Variants in SCAF11 observed in about 807,000 individuals in gnomAD.
The protein encoded by SCAF11 is protein SCAF11.
Under a neutral mutation model 140.5 loss-of-function variants are expected in SCAF11, and 47 were observed. That is an observed-to-expected ratio of 0.33 (90% confidence interval 0.26 to 0.43). The LOEUF is 0.43. Ranked by LOEUF, SCAF11 falls within the 20% of genes least tolerant of loss-of-function variation. The pLI, the probability that SCAF11 is intolerant of heterozygous loss-of-function variation, is 1.00. For synonymous variants in SCAF11, 557 were observed against 579.4 expected (o/e 0.96, Z 0.55); for missense variants, 1,645 against 1,705.1 (o/e 0.96, Z 0.62).
At chr12:45,934,972 T>C (rs1170848432) in intron 6 of SCAF11, 1 of 152,354 alleles carries the variant, frequency 6.6e-6, no homozygotes, top group Non-Finnish European at 1.5e-5. Flanking sequence ...TAACCATAAA[T>C]TACCATTTAG....
chr12:45,941,451 A>G (rs556580725), intron 6 of SCAF11, among the ~76,000 whole-genome samples: 2 of 152,318 alleles, frequency 1.3e-5, no homozygotes, highest in South Asian at 4.1e-4. Flanking sequence ...TCAAGTGTAC[A>G]ATACACCATT....
At chr12:45,973,454 G>C (rs920926009) in intron 1 of SCAF11, among the ~76,000 whole-genome samples, 2 of 152,054 alleles carry the variant, frequency 1.3e-5, no homozygotes, top group Non-Finnish European at 2.9e-5. Flanking sequence ...CCTGAAATTT[G>C]GTGAAAGGCA....
intron 3 of SCAF11, among the ~76,000 whole-genome samples, chr12:45,954,343 C>T (rs1945624912): frequency 6.6e-6 from 1 of 151,844 alleles, no homozygotes; most frequent in Non-Finnish European, 1.5e-5. Context: ...ATCAGATGAT[C>T]CTCCCATGTC....
chr12:45,972,853 T>TATATATATATCGATATATATATATATAG (rs1235783353), intron 1 of SCAF11, among the ~76,000 whole-genome samples: 3 of 128,760 alleles, frequency 2.3e-5, no homozygotes, highest in Non-Finnish European at 4.9e-5. Flanking sequence ...AGCCAGTATA[T>TATATATATATCGATATATATATATATAG]ATATATATAT....
chr12:45,984,016 GGAAT>G (rs1946405729), intron 1 of SCAF11, among the ~76,000 whole-genome samples: 1 of 152,124 alleles, frequency 6.6e-6, no homozygotes, highest in South Asian at 2.1e-4. Flanking sequence ...TTTACAAAAA[GGAAT>G]AAGTATAAAC....
At chr12:45,950,486 A>G (rs933945812) in intron 4 of SCAF11, among the ~76,000 whole-genome samples, 5 of 152,242 alleles carry the variant, frequency 3.3e-5, no homozygotes, top group African/African-American at 1.2e-4. Flanking sequence ...TTTCACAGAA[A>G]AATATATTTG....
intron 1 of SCAF11, among the ~76,000 whole-genome samples, chr12:45,978,463 A>C (rs920145416): frequency 2.0e-5 from 3 of 152,218 alleles, no homozygotes; most frequent in Non-Finnish European, 4.4e-5. Context: ...TAGAGTTTAC[A>C]CGTAGAAAAC....
intron 1 of SCAF11, among the ~76,000 whole-genome samples, chr12:45,969,259 T>C (rs1946020749): frequency 6.6e-6 from 1 of 152,218 alleles, no homozygotes; most frequent in African/African-American, 2.4e-5. Context: ...GAATCAGAAG[T>C]AGCCAGGGTT....
At chr12:45,954,047 CTTCA>C (rs1233110145) in intron 3 of SCAF11, among the ~76,000 whole-genome samples, 1 of 152,108 alleles carries the variant, frequency 6.6e-6, no homozygotes, top group African/African-American at 2.4e-5. Context: ...AATCCAAGTA[CTTCA>C]TTATTTTAGC....
chr12:45,927,700 T>G lies in SCAF11; in HGVS notation c.2001A>C (p.Leu667Phe). Residue 667 changes from leucine (L) to phenylalanine (F), a missense_variant, in exon 11 of 15, where the codon TTA (leucine) becomes TTC (phenylalanine). Coordinates refer to ENST00000369367, the MANE Select transcript of SCAF11 (RefSeq NM_004719.3). ...FNNIQDSENN[L>F]LKNNLLNTKL... ...TGGTGTTCAGAAGATTATTTTTTAGTAAGTTATTTTCAGAGTCTTGAATAT... is the reference window on the plus strand; with the variant it reads ...TGGTGTTCAGAAGATTATTTTTTAGGAAGTTATTTTCAGAGTCTTGAATAT... 6.2e-7 allele frequency: 1 copy of G among 1,612,012 alleles called. No homozygotes were observed. The highest frequency in any genetic ancestry group is 8.5e-7 in the Non-Finnish European group (1 of 1,179,404).
chr12:45,984,153 A>T (rs1053852879), intron 1 of SCAF11, among the ~76,000 whole-genome samples: 1 of 151,562 alleles, frequency 6.6e-6, no homozygotes, highest in Non-Finnish European at 1.5e-5. Context: ...TTACCTTAAT[A>T]AAAAGAAAAA....
At chr12:45,939,145 G>T (rs1178128177) in intron 6 of SCAF11, among the ~76,000 whole-genome samples, 6 of 151,278 alleles carry the variant, frequency 4.0e-5, no homozygotes. Context: ...AAAGTCACAG[G>T]TGTTTTAATG....
intron 6 of SCAF11, 46 bp downstream of exon 6, chr12:45,945,199 TAAAA>T: frequency 8.9e-7 from 1 of 1,122,858 alleles, no homozygotes; most frequent in Middle Eastern, 2.0e-4. Context: ...ACCATTAAAT[TAAAA>T]AACAACAAAA....
At chr12:45,928,959 G>A (rs1394963356) in intron 10 of SCAF11, 100 bp from the exon 11 acceptor site, 1 of 602,306 alleles carries the variant, frequency 1.7e-6, no homozygotes, top group East Asian at 3.1e-5. Context: ...GCAACAGAGT[G>A]AAACTAAATA....
At chr12:45,961,091 G>GT (rs1244577997) in intron 3 of SCAF11, 4 of 488,094 alleles carry the variant, frequency 8.2e-6, no homozygotes, top group Non-Finnish European at 1.5e-5. Context: ...GTCTATGACG[G>GT]TAATATCTCT....
intron 1 of SCAF11, among the ~76,000 whole-genome samples, chr12:45,976,197 T>C (rs923300626): frequency 2.0e-5 from 3 of 152,292 alleles, no homozygotes; most frequent in African/African-American, 7.2e-5. Flanking sequence ...CTTCAAGTGG[T>C]AAAATATCAA....
intron 13 of SCAF11, 49 bp downstream of exon 13, chr12:45,922,886 TC>T: frequency 6.6e-7 from 1 of 1,514,742 alleles, no homozygotes. Context: ...ATATTTTTTC[TC>T]CTTTATCATA....
intron 6 of SCAF11, among the ~76,000 whole-genome samples, chr12:45,939,374 C>A (rs17096331): frequency 6.6e-6 from 1 of 151,974 alleles, no homozygotes; most frequent in Non-Finnish European, 1.5e-5. Flanking sequence ...AAGAACAGTC[C>A]CATCCTGCTT....
intron 3 of SCAF11, 109 bp from the exon 4 acceptor site, chr12:45,951,836 A>C (rs779998448): frequency 2.9e-5 from 20 of 684,108 alleles, no homozygotes; most frequent in Non-Finnish European, 4.5e-5. Flanking sequence ...TCTTCGAAAG[A>C]AAAAAATATT....
Sources: allele counts gnomAD v4.1 joint callset (sites outside exome capture counted in the v4.1 genomes callset), GRCh38; gene constraint gnomAD v4.1.1; transcripts MANE v1.5; gene names NCBI Gene and HGNC (gene_info 2026-07-23, HGNC 2026-07-21).